DPYSL5: variants seen among roughly 807,000 people sequenced by gnomAD.
The protein encoded by DPYSL5 is dihydropyrimidinase-related protein 5.
In DPYSL5, 9 loss-of-function variants were observed where a neutral mutation model predicts 58.4. That is an observed-to-expected ratio of 0.15 (90% CI 0.09 to 0.27). The LOEUF (loss-of-function observed/expected upper bound fraction) is 0.27, where lower values mean the gene tolerates loss of function less well. Ranked by LOEUF, DPYSL5 falls within the 10% of genes least tolerant of loss-of-function variation. The pLI is 1.00. For synonymous variants in DPYSL5, 293 were observed against 301.9 expected (o/e 0.97, Z 0.31); for missense variants, 499 against 770.6 (o/e 0.65, Z 4.17).
chr2:26,900,179 C>T (rs568221697), intron 2 of DPYSL5, among the ~76,000 whole-genome samples: 4 of 152,352 alleles, frequency 2.6e-5, no homozygotes, highest in East Asian at 1.9e-4. Context: ...TACCAGCACC[C>T]AGAAGCTCCT....
intron 2 of DPYSL5, among the ~76,000 whole-genome samples, chr2:26,906,945 T>G (rs1245843924): frequency 6.6e-6 from 1 of 151,980 alleles, no homozygotes; most frequent in Admixed American, 6.5e-5. Flanking sequence ...ATTTTTATTT[T>G]TTGTAGAGAC....
At chr2:26,908,124 T>C (rs575317629) in intron 2 of DPYSL5, among the ~76,000 whole-genome samples, 1 of 152,362 alleles carries the variant, frequency 6.6e-6, no homozygotes, top group Non-Finnish European at 1.5e-5. Context: ...TTGGTGCTTA[T>C]TAAGCATTAT....
intron 5 of DPYSL5, among the ~76,000 whole-genome samples, chr2:26,930,543 G>A (rs545623488): frequency 2.6e-5 from 4 of 152,314 alleles, no homozygotes; most frequent in South Asian, 2.1e-4. Context: ...TACGCAACTC[G>A]GCTGGGTGCA....
chr2:26,914,632 C>G (rs1664520185), intron 2 of DPYSL5, among the ~76,000 whole-genome samples: 2 of 152,202 alleles, frequency 1.3e-5, no homozygotes, highest in Admixed American at 1.3e-4. Flanking sequence ...GGATTTCACA[C>G]AGAATCACAG....
chr2:26,904,270 T>C (rs948246894), intron 2 of DPYSL5, among the ~76,000 whole-genome samples: 21 of 152,198 alleles, frequency 1.4e-4, no homozygotes, highest in African/African-American at 4.8e-4. Context: ...CCTTGCCAAC[T>C]TCCTCACCAA....
At chr2:26,874,557 T>A (rs1040312079) in intron 1 of DPYSL5, among the ~76,000 whole-genome samples, 1 of 152,248 alleles carries the variant, frequency 6.6e-6, no homozygotes, top group African/African-American at 2.4e-5. Flanking sequence ...AGAATCTCTA[T>A]TCTGTATCAT....
At chr2:26,914,969 A>T (rs1015449637) in intron 2 of DPYSL5, among the ~76,000 whole-genome samples, 1 of 151,944 alleles carries the variant, frequency 6.6e-6, no homozygotes, top group African/African-American at 2.4e-5. Context: ...ACTTCTTTGC[A>T]ATTCCTTCCC....
At chr2:26,932,216 G>GAAAAGAAAAGA (rs757001313) in intron 6 of DPYSL5, among the ~76,000 whole-genome samples, 1 of 138,586 alleles carries the variant, frequency 7.2e-6, no homozygotes, top group Non-Finnish European at 1.6e-5. Context: ...AGAAAAGAAA[G>GAAAAGAAAAGA]AAAGAAAGAA....
chr2:26,896,982 A>G (rs1664038590), intron 1 of DPYSL5, among the ~76,000 whole-genome samples: 1 of 152,078 alleles, frequency 6.6e-6, no homozygotes, highest in African/African-American at 2.4e-5. Context: ...CCAGGTGTGC[A>G]TTGCTAGTGT....
At chr2:26,884,788 G>A (rs542687740) in intron 1 of DPYSL5, among the ~76,000 whole-genome samples, 27 of 152,186 alleles carry the variant, frequency 1.8e-4, no homozygotes, top group Non-Finnish European at 3.5e-4. Flanking sequence ...ATCTTAGCCT[G>A]TTAAGAAATC....
chr2:26,888,213 C>CT (rs1553316455), intron 1 of DPYSL5, among the ~76,000 whole-genome samples: 1 of 74,368 alleles, frequency 1.3e-5, no homozygotes, highest in Non-Finnish European at 2.9e-5. Flanking sequence ...CCTTTCTTTT[C>CT]TTTCTTTCTT....
intron 2 of DPYSL5, among the ~76,000 whole-genome samples, chr2:26,918,551 T>A (rs1426353532): frequency 1.3e-5 from 2 of 152,018 alleles, no homozygotes; most frequent in Non-Finnish European, 2.9e-5. Context: ...GAAAAGGAAG[T>A]GGTTCAGCAA....
At chr2:26,941,698 C>G (rs777242880) in intron 9 of DPYSL5, among the ~76,000 whole-genome samples, 1 of 152,186 alleles carries the variant, frequency 6.6e-6, no homozygotes, top group Non-Finnish European at 1.5e-5. Flanking sequence ...GATTTGCCCC[C>G]GGGCAGGAAG....
At position 26,934,516 on chromosome 2, in the gene DPYSL5, A is replaced by G; in HGVS notation, c.791-62A>G. 1.3e-6 allele frequency: 2 copies of G among 1,564,404 alleles called. No homozygotes were observed. The highest frequency in any genetic ancestry group is 1.7e-6 in the Non-Finnish European group (2 of 1,153,844). ...CCTTCACCTGTAAAATGAGAGGCAC[A>G]CACCAGCGATCGCTCAGGTTCGGTG... On this transcript the variant is annotated intron_variant, in intron 7 of 12. Transcript: ENST00000288699. This position sits in a 1 kb window ranked among gnomAD's most constrained non-coding sequence, Gnocchi z 4.3.
rs760317762 is a variant in DPYSL5 at position 26,942,098 on chromosome 2, G to A, written c.1232+6G>A. The A allele has an allele frequency of 1.2e-6, 2 of 1,614,162 alleles. No homozygotes were observed. Among genetic ancestry groups the A allele is most frequent in the East Asian group, 2.2e-5 (1 of 44,884 alleles). The stretch of plus-strand genomic sequence containing the variant: ...TGGGACCCAGAAGCCACAAAGTAAA[G>A]TTTGTTGCTCGTCCCCAGGGCTAGA... On this transcript the variant is annotated splice_donor_region_variant and intron_variant, in intron 10 of 12. Coordinates refer to ENST00000288699, the MANE Select transcript of DPYSL5 (RefSeq NM_020134.4). The surrounding 1 kb of genome is among the most constrained non-coding windows in gnomAD (Gnocchi z 5.9).
chr2:26,925,915 AG>A lies in DPYSL5; in HGVS notation c.420+872del, dbSNP rs1664819178. 2.0e-5 allele frequency among the ~76,000 whole-genome samples: 3 copies of A among 152,236 alleles called. No individual in the cohort carries two copies. The South Asian group carries it at 6.2e-4, about 32-fold the overall frequency. On this transcript the variant is annotated intron_variant, in intron 3 of 12. Transcript: ENST00000288699. This position sits in a 1 kb window ranked among gnomAD's most constrained non-coding sequence, Gnocchi z 4.5. ...TAAGCATTATTAGTTTTACCAACTC[AG>A]GAACTGCCTCTTCATTTTCCGTCAA... is the stretch of plus-strand genomic sequence containing the variant.
chr2:26,883,724 C>T (rs1232855445), intron 1 of DPYSL5, among the ~76,000 whole-genome samples: 1 of 152,050 alleles, frequency 6.6e-6, no homozygotes, highest in Non-Finnish European at 1.5e-5. Context: ...TATGTCTGCT[C>T]CTTCCCCTCA....
At chr2:26,861,316 TGTAG>T (rs1666007556) in intron 1 of DPYSL5, among the ~76,000 whole-genome samples, 1 of 152,196 alleles carries the variant, frequency 6.6e-6, no homozygotes, top group Non-Finnish European at 1.5e-5. Context: ...TGGTTGGAAC[TGTAG>T]GACACAGAAG....
intron 1 of DPYSL5, among the ~76,000 whole-genome samples, chr2:26,878,591 A>G (rs1663471037): frequency 6.6e-6 from 1 of 152,146 alleles, no homozygotes; most frequent in South Asian, 2.1e-4. Flanking sequence ...ATATCCTTCT[A>G]TGTTTTTTTC....
Sources: allele counts gnomAD v4.1 joint callset (sites outside exome capture counted in the v4.1 genomes callset), GRCh38; gene constraint gnomAD v4.1.1; non-coding constraint Gnocchi (gnomAD v3.1); transcripts MANE v1.5; gene names NCBI Gene and HGNC (gene_info 2026-07-23, HGNC 2026-07-21).